The following PLXNA4 variants were observed in gnomAD, a reference collection of about 807,000 sequenced individuals.
PLXNA4 encodes plexin-A4.
In PLXNA4, 44 loss-of-function variants were observed where a neutral mutation model predicts 191.8. That is an observed-to-expected ratio of 0.23 (90% confidence interval 0.18 to 0.29). The LOEUF is 0.29. PLXNA4 is among the 10% of genes least tolerant of loss of function. The pLI is 1.00. For synonymous variants in PLXNA4, 1,082 were observed against 1,009.5 expected, an observed-to-expected ratio of 1.07 and a Z score of -1.36; for missense variants, 1,800 against 2,488.8, an observed-to-expected ratio of 0.72 and a Z score of 5.89.
At chr7:132,563,411 TCCC>T (rs1801460252) in intron 1 of PLXNA4, among the ~76,000 whole-genome samples, 1 of 15,848 alleles carries the variant, frequency 6.3e-5, no homozygotes, top group Non-Finnish European at 1.1e-4. Flanking sequence ...CCTCCTCCTC[TCCC>T]TCCTCCTCCT....
chr7:132,141,529 C>A (rs1215471296), intron 29 of PLXNA4, among the ~76,000 whole-genome samples: 2 of 152,090 alleles, frequency 1.3e-5, no homozygotes, highest in African/African-American at 4.8e-5. Context: ...AGCCTGCATT[C>A]TGGTGGGTTC....
intron 26 of PLXNA4, 72 bp from the exon 27 acceptor site, chr7:132,148,071 A>G (rs1795488365): frequency 3.1e-6 from 5 of 1,610,060 alleles, no homozygotes; most frequent in Non-Finnish European, 4.2e-6. Flanking sequence ...ACAAATCATG[A>G]TGAACTTGGC....
chr7:132,180,057 G>A, intron 19 of PLXNA4, 136 bp from the exon 20 acceptor site: 2 of 1,410,422 alleles, frequency 1.4e-6, no homozygotes, highest in Non-Finnish European at 1.9e-6. Flanking sequence ...AAATAGACAA[G>A]AGGGCATGGG....
chr7:132,469,317 C>G (rs1207570067), intron 3 of PLXNA4, among the ~76,000 whole-genome samples: 1 of 152,148 alleles, frequency 6.6e-6, no homozygotes, highest in Non-Finnish European at 1.5e-5. Flanking sequence ...TGCAGGGTTG[C>G]TGTGAGGGCC....
chr7:132,187,132 A>G (rs1225336429), intron 15 of PLXNA4, among the ~76,000 whole-genome samples: 1 of 151,926 alleles, frequency 6.6e-6, no homozygotes, highest in African/African-American at 2.4e-5. Flanking sequence ...ACTTTATACA[A>G]TTTCATCTGC....
chr7:132,628,116 C>A (rs1803417874), intron 2 of PLXNA4, among the ~76,000 whole-genome samples: 1 of 152,224 alleles, frequency 6.6e-6, no homozygotes, highest in African/African-American at 2.4e-5. Flanking sequence ...TAACAGCTTA[C>A]TGTAAAGAGT....
At chr7:132,318,339 G>A (rs114905255) in intron 3 of PLXNA4, among the ~76,000 whole-genome samples, 372 of 152,332 alleles carry the variant, frequency 2.4e-3, no homozygotes, top group African/African-American at 8.4e-3. Flanking sequence ...AGAAAAGAGC[G>A]CAATACTGCC....
chr7:132,644,064 G>A (rs756142127), intron 2 of PLXNA4, among the ~76,000 whole-genome samples: 5 of 152,138 alleles, frequency 3.3e-5, no homozygotes, highest in Non-Finnish European at 7.4e-5. Context: ...GTGGGTCATC[G>A]GTAAAATATA....
chr7:132,296,439 CTCT>C (rs1801081683), intron 4 of PLXNA4, among the ~76,000 whole-genome samples: 1 of 87,348 alleles, frequency 1.1e-5, no homozygotes, highest in Non-Finnish European at 2.0e-5. Context: ...TTTTTAATTT[CTCT>C]TTTTTTTTTT....
At chr7:132,547,831 G>A (rs1800376194) in intron 1 of PLXNA4, among the ~76,000 whole-genome samples, 1 of 152,186 alleles carries the variant, frequency 6.6e-6, no homozygotes, top group Non-Finnish European at 1.5e-5. Context: ...CTGTATTTCA[G>A]CTTCACGCAG....
At chr7:132,170,345 AAGG>A (rs1313276543) in intron 21 of PLXNA4, among the ~76,000 whole-genome samples, 1 of 152,130 alleles carries the variant, frequency 6.6e-6, no homozygotes, top group African/African-American at 2.4e-5. Flanking sequence ...AGAAGGGTGG[AAGG>A]AGGTCATAAA....
At chr7:132,410,511 G>A (rs1383848761) in intron 3 of PLXNA4, among the ~76,000 whole-genome samples, 1 of 152,168 alleles carries the variant, frequency 6.6e-6, no homozygotes, top group Non-Finnish European at 1.5e-5. Flanking sequence ...CTGTCCCAAC[G>A]GGCAGTGAGG....
intron 3 of PLXNA4, among the ~76,000 whole-genome samples, chr7:132,477,701 G>A (rs1222812457): frequency 1.3e-5 from 2 of 152,082 alleles, no homozygotes; most frequent in Non-Finnish European, 2.9e-5. Context: ...TACTGTGGGG[G>A]CACCTTCAGT....
At chr7:132,590,570 G>T (rs1944261682) in intron 2 of PLXNA4, among the ~76,000 whole-genome samples, 2 of 152,150 alleles carry the variant, frequency 1.3e-5, no homozygotes, top group South Asian at 4.1e-4. Context: ...ATGTTTGAGG[G>T]CAGGAAGCAT....
intron 1 of PLXNA4, among the ~76,000 whole-genome samples, chr7:132,519,105 A>G (rs529534129): frequency 1.3e-5 from 2 of 152,310 alleles, no homozygotes; most frequent in African/African-American, 4.8e-5. Flanking sequence ...AGCACTCTCA[A>G]TAGGATCCTG....
chr7:132,480,141 T>C (rs898800873), intron 3 of PLXNA4, among the ~76,000 whole-genome samples: 2 of 152,086 alleles, frequency 1.3e-5, no homozygotes, highest in African/African-American at 4.8e-5. Context: ...AATTAATTGG[T>C]CAAGATAACA....
chr7:132,614,685 A>G (rs1803117111), intron 2 of PLXNA4, among the ~76,000 whole-genome samples: 2 of 152,232 alleles, frequency 1.3e-5, no homozygotes, highest in South Asian at 4.1e-4. Context: ...CTGACGGGAC[A>G]GAGGCACCTG....
intron 29 of PLXNA4, among the ~76,000 whole-genome samples, chr7:132,141,930 A>G (rs889841052): frequency 6.6e-6 from 1 of 152,022 alleles, no homozygotes; most frequent in Non-Finnish European, 1.5e-5. Context: ...GGGTTTCATC[A>G]TGTTGGCCAG....
intron 2 of PLXNA4, among the ~76,000 whole-genome samples, chr7:132,637,959 C>T (rs6970792): frequency 0.35 from 53,033 of 152,160 alleles, 9,938 homozygotes; most frequent in Non-Finnish European, 0.42. Context: ...GGATACTAAG[C>T]AGGAGTTTCC....
Sources: allele counts gnomAD v4.1 joint callset (sites outside exome capture counted in the v4.1 genomes callset), GRCh38; gene constraint gnomAD v4.1.1; transcripts MANE v1.5; gene names NCBI Gene and HGNC (gene_info 2026-07-23, HGNC 2026-07-21).